The following PATJ variants were observed in gnomAD, a reference collection of about 807,000 sequenced individuals.
The protein encoded by PATJ is PATJ crumbs cell polarity complex component.
PATJ carries 190 observed loss-of-function variants against 224.9 expected under a neutral mutation model. That is an observed-to-expected ratio of 0.84 (90% CI 0.75 to 0.95). The LOEUF is 0.95. PATJ is among the 40% of genes least tolerant of loss of function. PATJ has a pLI of 0.00. For missense variants in PATJ, 2,121 were observed against 2,270.3 expected, an observed-to-expected ratio of 0.93 and a Z score of 1.34; for synonymous variants, 769 against 820.3, an observed-to-expected ratio of 0.94 and a Z score of 1.07.
At chr1:62,122,788 C>A (rs1665237169) in intron 38 of PATJ, among the ~76,000 whole-genome samples, 1 of 151,410 alleles carries the variant, frequency 6.6e-6, no homozygotes. Flanking sequence ...GGTGCCACTG[C>A]ACTCCAGCCT....
At chr1:62,011,112 T>G (rs1287538141) in intron 28 of PATJ, among the ~76,000 whole-genome samples, 2 of 152,226 alleles carry the variant, frequency 1.3e-5, no homozygotes, top group African/African-American at 4.8e-5. Flanking sequence ...TCAAACTTTC[T>G]CCATATTAGC....
intron 6 of PATJ, among the ~76,000 whole-genome samples, chr1:61,773,680 G>A (rs560520560): frequency 3.3e-5 from 5 of 151,928 alleles, no homozygotes; most frequent in South Asian, 2.1e-4. Flanking sequence ...CCAGCTGGTC[G>A]GGAGGCTGAA....
At chr1:61,963,216 A>G (rs1003975843) in intron 27 of PATJ, among the ~76,000 whole-genome samples, 1 of 152,240 alleles carries the variant, frequency 6.6e-6, no homozygotes, top group Non-Finnish European at 1.5e-5. Context: ...GGCTTTACCA[A>G]TAACACAACC....
rs543669385 is a variant in PATJ at position 62,128,831 on chromosome 1, G to A, written c.5167-10G>A. ...ATGATAGTGATTTTCTGTCATTTTTGTACTTCCAGGTTGGAGATCGGATTG... is the reference window on the plus strand; with the variant it reads ...ATGATAGTGATTTTCTGTCATTTTTATACTTCCAGGTTGGAGATCGGATTG... On this transcript the variant is annotated splice_polypyrimidine_tract_variant and intron_variant, in intron 40 of 43. Coordinates refer to ENST00000642238, the MANE Select transcript of PATJ (RefSeq NM_001350145.3). 8.5e-5 allele frequency: 133 copies of A among 1,570,950 alleles called. No individual in the cohort carries two copies. In the South Asian group the frequency reaches 1.3e-3, roughly 15 times the overall value.
chr1:62,151,358 G>T (rs926750412), intron 42 of PATJ, among the ~76,000 whole-genome samples: 3 of 152,092 alleles, frequency 2.0e-5, no homozygotes, highest in African/African-American at 7.2e-5. Context: ...GGAGGCTGAG[G>T]CGGGCAGATC....
chr1:62,084,208 C>A (rs532565784), intron 32 of PATJ, among the ~76,000 whole-genome samples: 18 of 152,192 alleles, frequency 1.2e-4, no homozygotes, highest in Admixed American at 2.6e-4. Flanking sequence ...GAGCTGAGAT[C>A]GTACCATTGC....
At chr1:61,956,637 C>G (rs1680479336) in intron 27 of PATJ, among the ~76,000 whole-genome samples, 1 of 152,130 alleles carries the variant, frequency 6.6e-6, no homozygotes, top group African/African-American at 2.4e-5. Flanking sequence ...TTTGATTATA[C>G]CTGCAGGGAT....
At chr1:61,848,622 C>G (rs1445221693) in intron 17 of PATJ, among the ~76,000 whole-genome samples, 2 of 151,998 alleles carry the variant, frequency 1.3e-5, no homozygotes, top group Non-Finnish European at 2.9e-5. Flanking sequence ...CACTGTATTG[C>G]CCAGGGTGGT....
intron 27 of PATJ, among the ~76,000 whole-genome samples, chr1:61,938,719 C>A (rs980859687): frequency 1.3e-5 from 2 of 151,756 alleles, no homozygotes; most frequent in African/African-American, 4.8e-5. Flanking sequence ...TTTTTAACTG[C>A]AGGAATAAAA....
chr1:62,148,972 C>T (rs1306309625), intron 42 of PATJ, among the ~76,000 whole-genome samples: 1 of 151,640 alleles, frequency 6.6e-6, no homozygotes, highest in Non-Finnish European at 1.5e-5. Context: ...ATTAAAAATA[C>T]AAAAAATTAG....
At chr1:62,103,661 G>A (rs1662510402) in intron 33 of PATJ, among the ~76,000 whole-genome samples, 2 of 151,302 alleles carry the variant, frequency 1.3e-5, no homozygotes, top group African/African-American at 4.9e-5. Flanking sequence ...GAACAAGGCA[G>A]AAGAATCACT....
At chr1:62,028,366 C>T (rs1321595070) in intron 29 of PATJ, among the ~76,000 whole-genome samples, 1 of 152,130 alleles carries the variant, frequency 6.6e-6, no homozygotes, top group Non-Finnish European at 1.5e-5. Flanking sequence ...ATCAGTGTAA[C>T]CTTCATCCAG....
chr1:61,750,435 CT>C (rs3030066), intron 1 of PATJ, among the ~76,000 whole-genome samples: 76 of 121,224 alleles, frequency 6.3e-4, no homozygotes, highest in Admixed American at 1.4e-3. Context: ...TTTTCTGGAG[CT>C]TTTTTTTTTT....
chr1:61,842,985 T>C (rs182664454), intron 17 of PATJ, among the ~76,000 whole-genome samples: 1 of 152,282 alleles, frequency 6.6e-6, no homozygotes, highest in East Asian at 1.9e-4. Flanking sequence ...GAAATCTGTT[T>C]GTTCAAGGTG....
intron 31 of PATJ, among the ~76,000 whole-genome samples, chr1:62,064,939 A>T (rs1656159453): frequency 6.6e-6 from 1 of 152,222 alleles, no homozygotes; most frequent in Admixed American, 6.5e-5. Context: ...CCCTCTAAGG[A>T]GCAAGAAAGT....
intron 17 of PATJ, among the ~76,000 whole-genome samples, chr1:61,846,552 A>G (rs1471860414): frequency 2.6e-5 from 4 of 152,206 alleles, no homozygotes; most frequent in Admixed American, 6.5e-5. Context: ...AACTTTTTAA[A>G]TGAATAGTTT....
At chr1:62,125,254 C>CAAAA (rs779305398) in intron 39 of PATJ, among the ~76,000 whole-genome samples, 31 of 71,392 alleles carry the variant, frequency 4.3e-4, no homozygotes, top group South Asian at 1.4e-3. Flanking sequence ...AAAAAAAAAA[C>CAAAA]AAAAAAAAAC....
At chr1:62,119,027 T>C (rs1664764984) in intron 37 of PATJ, among the ~76,000 whole-genome samples, 1 of 151,848 alleles carries the variant, frequency 6.6e-6, no homozygotes, top group African/African-American at 2.4e-5. Context: ...ACCTATCGTC[T>C]CCACTTACCT....
chr1:61,928,171 G>C (rs1675507233), intron 27 of PATJ, among the ~76,000 whole-genome samples: 1 of 152,150 alleles, frequency 6.6e-6, no homozygotes, highest in Non-Finnish European at 1.5e-5. Context: ...TTCAGTTGTT[G>C]ATTACTTGCC....
Sources: gnomAD v4.1 joint callset for allele counts (sites outside exome capture counted in the v4.1 genomes callset) on GRCh38, gnomAD v4.1.1 for gene constraint, MANE v1.5 for transcripts, NCBI Gene and HGNC (gene_info 2026-07-23, HGNC 2026-07-21) for gene names.